The following TTC12 variants were observed in gnomAD, a reference collection of about 807,000 sequenced individuals.
TTC12 encodes tetratricopeptide repeat protein 12.
In TTC12, 70 loss-of-function variants were observed where a neutral mutation model predicts 90.1. The ratio of observed to expected loss-of-function variants is 0.78; its 90% confidence interval spans 0.64 to 0.95. The LOEUF (loss-of-function observed/expected upper bound fraction) is 0.95, where lower values mean the gene tolerates loss of function less well. Ranked by LOEUF, TTC12 falls within the 40% of genes least tolerant of loss-of-function variation. The pLI is 0.00. For missense variants in TTC12, 819 were observed against 846.1 expected, an observed-to-expected ratio of 0.97 and a Z score of 0.40; for synonymous variants, 296 against 311.5, an observed-to-expected ratio of 0.95 and a Z score of 0.53.
chr11:113,355,041 C>A (rs1949543302), intron 16 of TTC12, among the ~76,000 whole-genome samples: 1 of 152,174 alleles, frequency 6.6e-6, no homozygotes, highest in Admixed American at 6.5e-5. Context: ...AGTACCACTT[C>A]TTCTTTGTAC....
At chr11:113,354,829 C>CT (rs1184774345) in intron 16 of TTC12, among the ~76,000 whole-genome samples, 14 of 152,236 alleles carry the variant, frequency 9.2e-5, no homozygotes, top group African/African-American at 2.6e-4. Context: ...GATGGATGAG[C>CT]TTTTTGATGT....
In TTC12 at chr11:113,323,418, G is replaced by A; in HGVS notation, c.189G>A (p.Lys63=). 1.2e-6 allele frequency: 2 copies of A among 1,608,924 alleles called. No homozygotes were observed. Among genetic ancestry groups the A allele is most frequent in the Non-Finnish European group, 1.7e-6 (2 of 1,178,556 alleles). The change falls in exon 3 of 22, where the codon AAG becomes AAA. Residue 63 remains lysine (K), a synonymous_variant. Transcript: ENST00000529221. The part of the protein sequence containing the change: ...EEDECRTTLN[K]TMISPPQTAM... ...ATGAATGCAGGACCACCTTGAACAA[G>A]ACTATGATCAGTCCTCCACAAACTG...
intron 2 of TTC12, among the ~76,000 whole-genome samples, chr11:113,319,998 T>C (rs914755286): frequency 2.0e-5 from 3 of 152,004 alleles, no homozygotes; most frequent in Non-Finnish European, 4.4e-5. Context: ...AAGACCTAAA[T>C]TGTAAAGGAA....
rs147993824 is a variant in TTC12 at position 113,329,958 on chromosome 11, G to C, written c.483G>C (p.Val161=). The C allele has an allele frequency of 2.5e-6, 4 of 1,613,716 alleles. No individual in the cohort carries two copies. The highest frequency in any genetic ancestry group is 3.4e-6 in the Non-Finnish European group (4 of 1,179,602). Residue 161 remains valine (V), a synonymous_variant, in exon 7 of 22, where the codon GTG becomes GTC. Transcript: ENST00000529221. The part of the protein sequence containing the change: ...MKLEDYEKAL[V]DCEWALKCDE... ...TTGAGGACTATGAGAAGGCACTGGT[G>C]GATTGTGAGTGGGCTCTCAAGGTAA...
In TTC12 at chr11:113,339,487, T is replaced by C. The variant is rs1555145347; in HGVS notation, c.826+13T>C. ...ATGATAAATGAGTGTAAGCCAGAGA[T>C]GTGTGTGATCTCATGAGTGCTGTCA... On this transcript the variant is annotated intron_variant, in intron 10 of 21. Coordinates refer to ENST00000529221, the MANE Select transcript of TTC12 (RefSeq NM_017868.4). 1.9e-6 allele frequency: 3 copies of C among 1,605,404 alleles called. No homozygotes were observed. In the Admixed American group the frequency reaches 5.1e-5, roughly 28 times the overall value.
intron 7 of TTC12, among the ~76,000 whole-genome samples, chr11:113,334,749 T>C (rs1555143472): frequency 6.6e-6 from 1 of 152,012 alleles, no homozygotes; most frequent in Non-Finnish European, 1.5e-5. Context: ...AACTGGCAGG[T>C]ATCATTAATT....
At chr11:113,337,033 T>G (rs1331419253) in intron 8 of TTC12, among the ~76,000 whole-genome samples, 1 of 152,250 alleles carries the variant, frequency 6.6e-6, no homozygotes, top group Non-Finnish European at 1.5e-5. Flanking sequence ...TTGCTTCATA[T>G]TGTACATTTT....
In TTC12 at chr11:113,324,681, TG is replaced by T. The variant is rs1555140313; in HGVS notation, c.322+1del. Reference protein sequence around the residue: ...RRRENKVLADALKEKGNEAFA... With the variant: ...RRRENKVLADXLKEKGNEAFA... The stretch of plus-strand genomic sequence containing the variant: ...GAAGGGAAAACAAAGTCTTGGCGGA[TG>T]GTAATTGTCAGTCCTTACTTTTCAA... On this transcript the variant is annotated frameshift_variant and splice_region_variant, in exon 5 of 22. Transcript: ENST00000529221. LOFTEE classifies it high-confidence loss of function. The T allele has an allele frequency of 1.2e-6, 2 of 1,613,646 alleles. No individual in the cohort carries two copies. Among genetic ancestry groups the T allele is most frequent in the Non-Finnish European group, 1.7e-6 (2 of 1,179,776 alleles).
At chr11:113,353,196 A>C (rs570288009) in intron 16 of TTC12, among the ~76,000 whole-genome samples, 18 of 152,046 alleles carry the variant, frequency 1.2e-4, no homozygotes, top group African/African-American at 3.9e-4. Context: ...TGTGGTTTTG[A>C]TTTGCATTTC....
chr11:113,364,445 G>T (rs1328028364), intron 20 of TTC12: 2 of 275,786 alleles, frequency 7.3e-6, no homozygotes, highest in Admixed American at 9.2e-5. Flanking sequence ...CCTGGATCCT[G>T]TTGCATACCC....
rs192346294 is a variant in TTC12, at chr11:113,340,878, A to G, written c.896+145A>G. The G allele has an allele frequency of 5.9e-4, 393 of 661,674 alleles. 2 individuals carry two copies. The highest frequency in any genetic ancestry group is 1.4e-4 in the Non-Finnish European group (52 of 374,330). The allele number at this position is 661,674 out of a possible 1,614,324, so 41.0% of individuals were successfully genotyped here. A position where few individuals can be genotyped will look rare whatever the true frequency, so the allele number is the denominator to read the frequency against. ...TAGTGGGGGGCTCTCCAGGAGTGCA[A>G]AGCTACTCCACGAACATCTTTGAGT... On this transcript the variant is annotated intron_variant, in intron 11 of 21. Transcript: ENST00000529221.
chr11:113,360,579 GAGA>G (rs1454701076), intron 18 of TTC12, among the ~76,000 whole-genome samples: 2 of 152,174 alleles, frequency 1.3e-5, no homozygotes, highest in Non-Finnish European at 2.9e-5. Context: ...AGTGCATCAG[GAGA>G]AGAATATTAG....
chr11:113,354,690 A>G (rs1949521862), intron 16 of TTC12, among the ~76,000 whole-genome samples: 1 of 152,234 alleles, frequency 6.6e-6, no homozygotes, highest in Admixed American at 6.5e-5. Context: ...AATTTTATCA[A>G]AAGCCTTTTC....
intron 18 of TTC12, among the ~76,000 whole-genome samples, chr11:113,360,900 G>A (rs923015916): frequency 6.6e-6 from 1 of 152,222 alleles, no homozygotes; most frequent in Non-Finnish European, 1.5e-5. Context: ...CACAGACGGG[G>A]CATCGTAGCT....
chr11:113,332,443 CCCCGG>C (rs1948120492), intron 7 of TTC12, among the ~76,000 whole-genome samples: 1 of 152,204 alleles, frequency 6.6e-6, no homozygotes, highest in South Asian at 2.1e-4. Context: ...CCTGCTGTAA[CCCCGG>C]TGCTCTGCCA....
chr11:113,365,507 G>A (rs1400585877), intron 21 of TTC12: 1 of 210,502 alleles, frequency 4.8e-6, no homozygotes, highest in African/African-American at 2.2e-5. Flanking sequence ...CGGCCAGCAA[G>A]GGTCACATGT....
downstream of TTC12, chr11:113,368,799 A>C: frequency 2.3e-6 from 1 of 439,010 alleles, no homozygotes; most frequent in East Asian, 3.5e-5. Context: ...ATGACTAAGA[A>C]GTATTAGGTT....
intron 16 of TTC12, among the ~76,000 whole-genome samples, chr11:113,354,788 C>T (rs1394429020): frequency 6.6e-6 from 1 of 152,162 alleles, no homozygotes; most frequent in Non-Finnish European, 1.5e-5. Context: ...TTGAACCAAC[C>T]TTGCATCCCA....
At chr11:113,352,232 T>C in intron 16 of TTC12, 25 bp downstream of exon 16, 7 of 1,614,040 alleles carry the variant, frequency 4.3e-6, no homozygotes, top group Non-Finnish European at 5.9e-6. Context: ...CTATTCAAAA[T>C]TGGTCTTTAT....
Sources: gnomAD v4.1 joint callset for allele counts (sites outside exome capture counted in the v4.1 genomes callset) on GRCh38, gnomAD v4.1.1 for gene constraint, MANE v1.5 for transcripts, NCBI Gene and HGNC (gene_info 2026-07-23, HGNC 2026-07-21) for gene names.